Variants in LRMDA observed in about 807,000 individuals in gnomAD.
LRMDA encodes the protein leucine rich melanocyte differentiation associated, also known as leucine-rich melanocyte differentiation-associated protein.
A neutral mutation model predicts 29.8 loss-of-function variants in LRMDA; 18 were observed. The ratio of observed to expected loss-of-function variants is 0.60; its 90% CI spans 0.42 to 0.90. The LOEUF (loss-of-function observed/expected upper bound fraction) is 0.90. Among genes scored for constraint, LRMDA ranks in the 40% least tolerant of loss-of-function variants. LRMDA has a pLI of 0.00. For missense variants in LRMDA, 273 were observed against 273.9 expected, an observed-to-expected ratio of 1.00 and a Z score of 0.02; for synonymous variants, 125 against 109.4, an observed-to-expected ratio of 1.14 and a Z score of -0.89.
At chr10:76,154,715 G>T (rs934473388) in intron 5 of LRMDA, among the ~76,000 whole-genome samples, 3 of 152,136 alleles carry the variant, frequency 2.0e-5, no homozygotes, top group African/African-American at 7.2e-5. Context: ...TGGATTATTT[G>T]GGATTAACAT....
intron 4 of LRMDA, among the ~76,000 whole-genome samples, chr10:76,051,625 G>A (rs922688252): frequency 6.6e-5 from 10 of 152,298 alleles, no homozygotes; most frequent in Middle Eastern, 6.8e-3. Flanking sequence ...AAGAAAGGAC[G>A]ACATGGACAT....
chr10:75,661,657 G>A (rs112872284), intron 2 of LRMDA, among the ~76,000 whole-genome samples: 2,041 of 152,228 alleles, frequency 0.013, 22 homozygotes, highest in South Asian at 0.027. Flanking sequence ...AATTTGGAAG[G>A]TAATTTTCAG....
intron 5 of LRMDA, among the ~76,000 whole-genome samples, chr10:76,171,383 C>G (rs1409190824): frequency 1.3e-5 from 2 of 152,220 alleles, no homozygotes; most frequent in African/African-American, 4.8e-5. Flanking sequence ...AGTTGACACA[C>G]CCGCCTTGGC....
At chr10:76,259,977 G>C (rs902538796) in intron 5 of LRMDA, among the ~76,000 whole-genome samples, 15 of 151,846 alleles carry the variant, frequency 9.9e-5, no homozygotes, top group African/African-American at 3.6e-4. Flanking sequence ...CTTTACATGT[G>C]AGGTGAGTTT....
intron 2 of LRMDA, among the ~76,000 whole-genome samples, chr10:75,843,470 T>C (rs1844577200): frequency 6.6e-6 from 1 of 152,208 alleles, no homozygotes; most frequent in African/African-American, 2.4e-5. Flanking sequence ...CAGTGCTTGC[T>C]CTACCCTGAA....
chr10:76,000,327 A>G (rs1192760388), intron 2 of LRMDA, among the ~76,000 whole-genome samples: 1 of 152,102 alleles, frequency 6.6e-6, no homozygotes, highest in Non-Finnish European at 1.5e-5. Context: ...GCAAATGAAG[A>G]TGGCTCCTAC....
At chr10:76,084,297 A>G (rs1487703169) in intron 5 of LRMDA, among the ~76,000 whole-genome samples, 2 of 151,092 alleles carry the variant, frequency 1.3e-5, no homozygotes, top group Admixed American at 6.6e-5. Context: ...TCCCGAGTTC[A>G]AGCAATTCTC....
intron 5 of LRMDA, among the ~76,000 whole-genome samples, chr10:76,167,166 CT>C (rs1286981899): frequency 6.6e-6 from 1 of 151,830 alleles, no homozygotes; most frequent in East Asian, 1.9e-4. Context: ...TTGTTTTTTT[CT>C]TGTACATTTG....
intron 6 of LRMDA, among the ~76,000 whole-genome samples, chr10:76,536,545 A>G (rs1843293247): frequency 6.6e-6 from 1 of 152,036 alleles, no homozygotes; most frequent in South Asian, 2.1e-4. Context: ...ACTTTTCATG[A>G]CATTTCATTT....
chr10:76,018,567 G>GTTTTTT (rs765340066), intron 2 of LRMDA, among the ~76,000 whole-genome samples: 1 of 131,958 alleles, frequency 7.6e-6, no homozygotes, highest in Non-Finnish European at 1.6e-5. Flanking sequence ...GGCTTCTGAA[G>GTTTTTT]TTTTTTTTTT....
rs568805399 is a variant in LRMDA at position 75,655,669 on chromosome 10, G to A, written c.131+217175G>A. ...GGCAGGACCAGGCTCTGTGGAGAGA[G>A]GCAGTATGCTAGAGTGACTGATGTC... On this transcript the variant is annotated intron_variant, in intron 2 of 6. Coordinates refer to ENST00000611255, the MANE Select transcript of LRMDA (RefSeq NM_001305581.2). Among the ~76,000 whole-genome samples, 38 of 152,318 alleles carry A rather than the reference G, an allele frequency of 2.5e-4. No homozygotes were observed. In the East Asian group the frequency reaches 7.3e-3, roughly 29 times the overall value.
At chr10:76,016,696 TCA>T (rs775337545) in intron 2 of LRMDA, among the ~76,000 whole-genome samples, 4 of 152,210 alleles carry the variant, frequency 2.6e-5, no homozygotes, top group Non-Finnish European at 5.9e-5. Flanking sequence ...AGTGTGAACT[TCA>T]GATAAATAGT....
At chr10:76,043,965 C>T (rs546408111) in intron 3 of LRMDA, among the ~76,000 whole-genome samples, 1 of 152,340 alleles carries the variant, frequency 6.6e-6, no homozygotes, top group South Asian at 2.1e-4. Flanking sequence ...GGGCTTCCCT[C>T]AGTCGTGTAG....
At position 75,872,499 on chromosome 10, in the gene LRMDA, T is replaced by A. The variant is rs1379617544; in HGVS notation, c.132-163509T>A. On this transcript the variant is annotated intron_variant, in intron 2 of 6. Transcript: ENST00000611255. ...TTTTGTATTTTTAGTAGAGATGGGGTTTCACTATGTTGGCCAGGGTGGTCT... is the reference window on the plus strand; with the variant it reads ...TTTTGTATTTTTAGTAGAGATGGGGATTCACTATGTTGGCCAGGGTGGTCT... Among the ~76,000 whole-genome samples the A allele has an allele frequency of 2.6e-5, 4 of 152,086 alleles. No homozygotes were observed. In the East Asian group the frequency reaches 5.8e-4, roughly 22 times the overall value.
At position 76,478,856 on chromosome 10, in the gene LRMDA, T is replaced by C. The variant is rs540616841; in HGVS notation, c.602-78353T>C. Among the ~76,000 whole-genome samples, 3 of 146,542 alleles carry C rather than the reference T, an allele frequency of 2.0e-5. No homozygotes were observed. The East Asian group carries it at 6.3e-4, about 31-fold the overall frequency. On this transcript the variant is annotated intron_variant, in intron 6 of 6. Coordinates refer to ENST00000611255, the MANE Select transcript of LRMDA (RefSeq NM_001305581.2). ...GGTGGGAATTGAACAATGAGAACAC[T>C]TCGACACAGGAAGGGGAACATCACA...
chr10:76,414,690 T>C (rs563156240), intron 6 of LRMDA, among the ~76,000 whole-genome samples: 2 of 152,326 alleles, frequency 1.3e-5, no homozygotes, highest in African/African-American at 4.8e-5. Context: ...TCTCCTCTTC[T>C]GTGTGTAAGA....
At chr10:76,177,366 T>C (rs1850957804) in intron 5 of LRMDA, among the ~76,000 whole-genome samples, 1 of 151,904 alleles carries the variant, frequency 6.6e-6, no homozygotes, top group African/African-American at 2.4e-5. Context: ...TTCAACTAAT[T>C]TGTGAGTACA....
chr10:75,742,563 C>T (rs181055500), intron 2 of LRMDA, among the ~76,000 whole-genome samples: 3 of 152,346 alleles, frequency 2.0e-5, no homozygotes, highest in African/African-American at 7.2e-5. Flanking sequence ...GGGACAGCCA[C>T]ATGTTGAAAT....
chr10:76,091,293 G>A (rs1016644770), intron 5 of LRMDA, among the ~76,000 whole-genome samples: 34 of 151,702 alleles, frequency 2.2e-4, no homozygotes, highest in African/African-American at 5.1e-4. Context: ...GTGTGTGTGT[G>A]TGTGTGTGTG....
Sources: allele counts gnomAD v4.1 joint callset (sites outside exome capture counted in the v4.1 genomes callset), GRCh38; gene constraint gnomAD v4.1.1; transcripts MANE v1.5; gene names NCBI Gene and HGNC (gene_info 2026-07-23, HGNC 2026-07-21).